Variants in BTF3 observed in about 807,000 individuals in gnomAD.
The protein encoded by BTF3 is basic transcription factor 3, also known as transcription factor BTF3.
In BTF3, 12 loss-of-function variants were observed where a neutral mutation model predicts 23.9. The ratio of observed to expected loss-of-function variants is 0.50; its 90% CI spans 0.32 to 0.81. BTF3 has a LOEUF of 0.81. BTF3 is among the 40% of genes least tolerant of loss of function. BTF3 has a pLI of 0.03. For missense variants in BTF3, 215 were observed against 255.9 expected (o/e 0.84, Z 1.09); for synonymous variants, 96 against 94.8 (o/e 1.01, Z -0.07).
chr5:73,504,333 T>C lies in BTF3; in HGVS notation c.518-14T>C. ...AAAACCTAGACAAATAATGTTTACA[T>C]TTTCCTTTCATAGCTGTGGATGGAA... On this transcript the variant is annotated splice_polypyrimidine_tract_variant and intron_variant, in intron 4 of 5. Coordinates refer to ENST00000380591, the MANE Select transcript of BTF3 (RefSeq NM_001037637.2). The C allele has an allele frequency of 6.8e-7, 1 of 1,467,286 alleles. No individual in the cohort carries two copies. The highest frequency in any genetic ancestry group is 9.2e-7 in the Non-Finnish European group (1 of 1,088,004). The allele number at this position is 1,467,286 out of a possible 1,614,324, so 90.9% of individuals were successfully genotyped here.
In BTF3 at chr5:73,498,452, G is replaced by A; in HGVS notation, c.-216G>A. On this transcript the variant is annotated 5_prime_UTR_variant, in exon 1 of 6. Coordinates refer to ENST00000380591, the MANE Select transcript of BTF3 (RefSeq NM_001037637.2). ...TGTCACTTCCGGCCTCCCTTTAGCT[G>A]CCATCTTGCGTCCCCGCGTGTGTGC... 3.6e-6 allele frequency: 2 copies of A among 553,518 alleles called. No homozygotes were observed. The highest frequency in any genetic ancestry group is 2.9e-6 in the Non-Finnish European group (1 of 346,102). 34.3% of individuals were successfully genotyped at this position (553,518 alleles called of 1,614,324 possible). A position where few individuals can be genotyped will look rare whatever the true frequency, so the allele number is the denominator to read the frequency against.
chr5:73,503,946 G>T (rs1036559716), intron 4 of BTF3, among the ~76,000 whole-genome samples: 1 of 152,116 alleles, frequency 6.6e-6, no homozygotes, highest in Admixed American at 6.6e-5. Flanking sequence ...GTAAGTGGTT[G>T]TTGAGCATCA....
intron 1 of BTF3, 80 bp downstream of exon 1, chr5:73,498,879 G>A (rs1182088117): frequency 1.3e-6 from 2 of 1,482,962 alleles, no homozygotes; most frequent in South Asian, 1.3e-5. Flanking sequence ...AGGGGTGGGG[G>A]GTGCTGGCCA....
intron 4 of BTF3, 144 bp from the exon 5 acceptor site, chr5:73,504,203 A>G (rs941802807): frequency 2.8e-5 from 17 of 599,806 alleles, no homozygotes; most frequent in Non-Finnish European, 4.3e-5. Context: ...AGTATCATAG[A>G]TAAAATCCCA....
chr5:73,502,643 T>C, intron 3 of BTF3, 42 bp downstream of exon 3: 1 of 1,472,508 alleles, frequency 6.8e-7, no homozygotes, highest in Non-Finnish European at 9.2e-7. Context: ...AAGATTTGGC[T>C]GGGAAAAGTT....
chr5:73,499,170 A>G lies in BTF3; in HGVS notation c.169A>G (p.Lys57Glu), dbSNP rs757719063. Residue 57 changes from lysine (K) to glutamate (E), a missense_variant, in exon 2 of 6, where the codon AAA becomes GAA. This residue lies in a region of BTF3 where 116 missense variants were observed against 84.7 expected (regional missense o/e 1.37). Transcript: ENST00000380591. ...ETIMNQEKLA[K>E]LQAQVRIGGK... ...AATCATGAACCAGGAAAAACTCGCC[A>G]AACTGCAGGCACAAGTGCGCATTGG... The G allele has an allele frequency of 6.2e-7, 1 of 1,613,002 alleles. No homozygotes were observed. Among genetic ancestry groups the G allele is most frequent in the South Asian group, 1.1e-5 (1 of 90,916 alleles).
At chr5:73,504,517 C>CGA in intron 5 of BTF3, 114 bp downstream of exon 5, 1 of 718,562 alleles carries the variant, frequency 1.4e-6, no homozygotes, top group East Asian at 2.9e-5. Context: ...GGACATAGAT[C>CGA]TTACTTAGAA....
chr5:73,502,849 T>A, intron 3 of BTF3, 67 bp from the exon 4 acceptor site: 2 of 1,508,892 alleles, frequency 1.3e-6, no homozygotes, highest in Admixed American at 3.4e-5. Flanking sequence ...AGACTTAGTT[T>A]AATAAAACAT....
chr5:73,503,942 GGTT>G (rs1388322460), intron 4 of BTF3, among the ~76,000 whole-genome samples: 23 of 152,136 alleles, frequency 1.5e-4, no homozygotes, highest in South Asian at 8.3e-4. Flanking sequence ...TTCAGTAAGT[GGTT>G]GTTGAGCATC....
intron 5 of BTF3, chr5:73,504,822 A>C (rs1398400580): frequency 9.2e-6 from 2 of 218,492 alleles, no homozygotes; most frequent in Non-Finnish European, 1.8e-5. Flanking sequence ...ATCATGAGAC[A>C]TTTTTGTCTC....
In BTF3 at chr5:73,502,612, A is replaced by G. The variant is rs771634358; in HGVS notation, c.315+11A>G. On this transcript the variant is annotated intron_variant, in intron 3 of 5. Transcript: ENST00000380591. ...TCTGGTATTGAAGAGGCAAGTATCA[A>G]ATTTTGTTACTTTAAAAAACAAGAT... 2 of 1,568,968 alleles carry G rather than the reference A, an allele frequency of 1.3e-6. No homozygotes were observed. The highest frequency in any genetic ancestry group is 2.8e-5 in the African/African-American group (2 of 72,456).
intron 2 of BTF3, 71 bp downstream of exon 2, chr5:73,499,273 T>C: frequency 6.7e-7 from 1 of 1,500,750 alleles, no homozygotes; most frequent in South Asian, 1.1e-5. Flanking sequence ...CATATTCCTT[T>C]TGCGCTTCTT....
At chr5:73,501,477 G>A (rs1746434916) in intron 2 of BTF3, among the ~76,000 whole-genome samples, 1 of 152,206 alleles carries the variant, frequency 6.6e-6, no homozygotes, top group Non-Finnish European at 1.5e-5. Context: ...AGAAATTGAT[G>A]AGTGAGTGTG....
At position 73,503,073 on chromosome 5, in the gene BTF3, G is replaced by A. The variant is rs1207304383; in HGVS notation, c.473G>A (p.Ser158Asn). The A allele has an allele frequency of 6.2e-7, 1 of 1,613,964 alleles. No individual in the cohort carries two copies. Among genetic ancestry groups the A allele is most frequent in the Admixed American group, 1.7e-5 (1 of 60,002 alleles). ...PSILNQLGAD[S>N]LTSLRRLAEA... ...ATCTTAAACCAGCTTGGTGCGGATA[G>A]TCTGACTAGTTTAAGGAGACTGGCC... Residue 158 changes from serine to asparagine, a missense_variant, in exon 4 of 6, where the codon AGT becomes AAT. Around this residue, in one of 2 missense-constraint regions of BTF3, gnomAD observed 99 missense variants for 171.2 expected, o/e 0.58. Coordinates refer to ENST00000380591, the MANE Select transcript of BTF3 (RefSeq NM_001037637.2).
Position 73,505,369 on chromosome 5 carries a change from A to G in BTF3, c.*131A>G, listed in dbSNP as rs910407573. On this transcript the variant is annotated 3_prime_UTR_variant, in exon 6 of 6. Coordinates refer to ENST00000380591, the MANE Select transcript of BTF3 (RefSeq NM_001037637.2). ...TAGATCTCTAATATTTTTAAGCCCAAGCCCCTTGGACACTGCAGCTCTTTT... is the reference window on the plus strand; with the variant it reads ...TAGATCTCTAATATTTTTAAGCCCAGGCCCCTTGGACACTGCAGCTCTTTT... The G allele has an allele frequency of 3.9e-6, 3 of 764,816 alleles. No homozygotes were observed. Among genetic ancestry groups the G allele is most frequent in the Admixed American group, 2.9e-5 (1 of 34,318 alleles). 47.4% of individuals were successfully genotyped at this position (764,816 alleles called of 1,614,324 possible).
At chr5:73,499,324 C>A in intron 2 of BTF3, 122 bp downstream of exon 2, 1 of 1,063,668 alleles carries the variant, frequency 9.4e-7, no homozygotes, top group Non-Finnish European at 1.4e-6. Context: ...GGGAAATTCA[C>A]GGAGCTAGCA....
rs753579016 is a variant in BTF3 at position 73,503,098 on chromosome 5, C to T, written c.498C>T (p.Ala166=). 14 of 1,613,598 alleles carry T rather than the reference C, an allele frequency of 8.7e-6. No individual in the cohort carries two copies. The highest frequency in any genetic ancestry group is 6.6e-5 in the South Asian group (6 of 91,068). ...GTCTGACTAGTTTAAGGAGACTGGC[C>T]GAAGCTCTGCCCAAACAATGTGAGT... is the stretch of plus-strand genomic sequence containing the variant. The part of the protein sequence containing the change: ...ADSLTSLRRL[A]EALPKQSVDG... The change falls in exon 4 of 6, where the codon GCC becomes GCT. Residue 166 remains alanine (A), a synonymous_variant. Transcript: ENST00000380591.
Position 73,505,319 on chromosome 5 carries a change from T to G in BTF3, c.*81T>G. On this transcript the variant is annotated 3_prime_UTR_variant, in exon 6 of 6. Coordinates refer to ENST00000380591, the MANE Select transcript of BTF3 (RefSeq NM_001037637.2). Reference sequence around the variant, plus strand: ...ATATTATGACTGCTTTTTAAGAAATTTTTGTTTATGGATCTGATAAAATCT... The same window carrying G: ...ATATTATGACTGCTTTTTAAGAAATGTTTGTTTATGGATCTGATAAAATCT... 1.5e-6 allele frequency: 2 copies of G among 1,319,378 alleles called. No homozygotes were observed. Among genetic ancestry groups the G allele is most frequent in the Non-Finnish European group, 2.1e-6 (2 of 944,242 alleles). 81.7% of individuals were successfully genotyped at this position (1,319,378 alleles called of 1,614,324 possible). A position where few individuals can be genotyped will look rare whatever the true frequency, so the allele number is the denominator to read the frequency against.
intron 4 of BTF3, among the ~76,000 whole-genome samples, 179 bp downstream of exon 4, chr5:73,503,296 C>T (rs112702000): frequency 0.015 from 2,318 of 152,210 alleles, 46 homozygotes; most frequent in African/African-American, 0.051. Context: ...ATTGATGTAG[C>T]GTGCCATGAT....
Sources: allele counts gnomAD v4.1 joint callset (sites outside exome capture counted in the v4.1 genomes callset), GRCh38; gene constraint gnomAD v4.1.1; regional missense constraint gnomAD v4.1.1; transcripts MANE v1.5; gene names NCBI Gene and HGNC (gene_info 2026-07-23, HGNC 2026-07-21).